CDC42EP1: variants seen among roughly 807,000 people sequenced by gnomAD.
CDC42EP1 encodes 55 kDa bone marrow stromal/endothelial cell protein.
Under a neutral mutation model 7.4 loss-of-function variants are expected in CDC42EP1, and 6 were observed. That is an observed-to-expected ratio of 0.81 (90% CI 0.44 to 1.60). CDC42EP1 has a LOEUF of 1.60. CDC42EP1 is among the 40% of genes most tolerant of loss of function. CDC42EP1 has a pLI of 0.01. For missense variants in CDC42EP1, 567 were observed against 539.0 expected, an observed-to-expected ratio of 1.05 and a Z score of -0.51; for synonymous variants, 238 against 227.1, an observed-to-expected ratio of 1.05 and a Z score of -0.43.
rs1925236389 is a variant in CDC42EP1, at chr22:37,566,361, C to T, written c.12C>T (p.Pro4=). 6.5e-7 allele frequency: 1 copy of T among 1,528,542 alleles called. No individual in the cohort carries two copies. The highest frequency in any genetic ancestry group is 8.8e-7 in the Non-Finnish European group (1 of 1,134,748). 94.7% of individuals were successfully genotyped at this position (1,528,542 alleles called of 1,614,324 possible). A position where few individuals can be genotyped will look rare whatever the true frequency, so the allele number is the denominator to read the frequency against. MPG[P]QGGRGAATMS... The stretch of plus-strand genomic sequence containing the variant: ...AGCAGCCAGAGCTGATGCCCGGCCC[C>T]CAGGGGGGCAGAGGCGCCGCCACCA... The change falls in exon 2 of 3, where the codon CCC becomes CCT. Residue 4 remains proline, a synonymous_variant. Coordinates refer to ENST00000249014, the MANE Select transcript of CDC42EP1 (RefSeq NM_152243.3). The surrounding 1 kb of genome is among the most constrained non-coding windows in gnomAD (Gnocchi z 6.4).
At chr22:37,560,825 G>C (rs1925007864) in intron 1 of CDC42EP1, among the ~76,000 whole-genome samples, 1 of 152,018 alleles carries the variant, frequency 6.6e-6, no homozygotes, top group South Asian at 2.1e-4. Flanking sequence ...GGGGGCAGAG[G>C]ATCGGACACG....
At position 37,566,812 on chromosome 22, in the gene CDC42EP1, G is replaced by A. The variant is rs1342054467; in HGVS notation, c.463G>A (p.Gly155Ser). The change falls in exon 2 of 3, where the codon GGC (glycine) becomes AGC (serine). Residue 155 changes from glycine (G) to serine (S), a missense_variant and splice_region_variant. Transcript: ENST00000249014. The surrounding 1 kb of genome is among the most constrained non-coding windows in gnomAD (Gnocchi z 6.4). The part of the protein sequence containing the change: ...TSSTDGHSSY[G>S]LDSGFCTISR... ...CTCCACGGACGGCCACTCCAGCTAC[G>A]GTGAGGGCCTGGGCCATCTTGGCCC... The A allele has an allele frequency of 2.6e-6, 4 of 1,553,474 alleles. No homozygotes were observed. Among genetic ancestry groups the A allele is most frequent in the South Asian group, 1.2e-5 (1 of 81,002 alleles).
In CDC42EP1 at chr22:37,568,361, G is replaced by T. The variant is rs746292047; in HGVS notation, c.717G>T (p.Thr239=). Residue 239 remains threonine, a synonymous_variant, in exon 3 of 3, where the codon ACG becomes ACT. Coordinates refer to ENST00000249014, the MANE Select transcript of CDC42EP1 (RefSeq NM_152243.3). ...CCCCAGCCCCTACTGCAAACCCCAC[G>T]GGTCCTGCTGCAAACCCCCCAGCCA... ...ANPPAPTANP[T]GPAANPPATT... The T allele has an allele frequency of 1.4e-6, 2 of 1,471,874 alleles. No homozygotes were observed. The highest frequency in any genetic ancestry group is 2.4e-5 in the East Asian group (1 of 40,858). 91.2% of individuals were successfully genotyped at this position (1,471,874 alleles called of 1,614,324 possible).
At chr22:37,565,585 T>G (rs1040433383) in intron 1 of CDC42EP1, 4 of 140,778 alleles carry the variant, frequency 2.8e-5, no homozygotes, top group South Asian at 4.7e-4. Flanking sequence ...TTTTTTTTTT[T>G]TTTTTTTTTT....
intron 1 of CDC42EP1, among the ~76,000 whole-genome samples, chr22:37,564,980 A>G (rs565523126): frequency 9.2e-5 from 14 of 152,154 alleles, no homozygotes; most frequent in African/African-American, 3.1e-4. Flanking sequence ...GGGTTTCACC[A>G]TGTTGGCCAG....
At chr22:37,563,856 G>A (rs1045473267) in intron 1 of CDC42EP1, 1 of 152,316 alleles carries the variant, frequency 6.6e-6, no homozygotes, top group Non-Finnish European at 1.5e-5. Context: ...GAAGGGGCCA[G>A]GGTGATGTTT....
At chr22:37,567,661 A>T (rs1466579546) in intron 2 of CDC42EP1, among the ~76,000 whole-genome samples, 1 of 152,168 alleles carries the variant, frequency 6.6e-6, no homozygotes, top group Non-Finnish European at 1.5e-5. Context: ...TCAGACCCTG[A>T]TTGCTGGTCC....
rs1174820845 is a variant in CDC42EP1 at position 37,569,179 on chromosome 22, G to C, written c.*359G>C. ...TGGGGGGCAGGGAGTGTACCACACAGGGCCATTGTCTCACCTCCCAAAGGG... is the reference window on the plus strand; with the variant it reads ...TGGGGGGCAGGGAGTGTACCACACACGGCCATTGTCTCACCTCCCAAAGGG... On this transcript the variant is annotated 3_prime_UTR_variant, in exon 3 of 3. Transcript: ENST00000249014. 5.5e-6 allele frequency: 1 copy of C among 181,284 alleles called. No individual in the cohort carries two copies. 11.2% of individuals were successfully genotyped at this position (181,284 alleles called of 1,614,324 possible).
chr22:37,563,782 GGTAA>G (rs1417463639), intron 1 of CDC42EP1: 1 of 152,178 alleles, frequency 6.6e-6, no homozygotes, highest in East Asian at 1.9e-4. Flanking sequence ...GGTCTGTGTA[GGTAA>G]GTGACTTGCC....
intron 1 of CDC42EP1, among the ~76,000 whole-genome samples, chr22:37,563,027 T>C (rs1217750857): frequency 6.6e-6 from 1 of 151,984 alleles, no homozygotes; most frequent in Non-Finnish European, 1.5e-5. Flanking sequence ...GAGGATCGCT[T>C]GAGCCTGGGA....
chr22:37,561,000 G>A (rs1051896631), intron 1 of CDC42EP1, among the ~76,000 whole-genome samples: 4 of 151,754 alleles, frequency 2.6e-5, no homozygotes, highest in Non-Finnish European at 2.9e-5. Flanking sequence ...GAAGTGGGGG[G>A]TGGGGGGCCC....
intron 1 of CDC42EP1, among the ~76,000 whole-genome samples, chr22:37,562,765 G>A (rs1925092001): frequency 7.2e-6 from 1 of 138,676 alleles, no homozygotes; most frequent in South Asian, 2.3e-4. Flanking sequence ...TGACCATGGG[G>A]GTTCAGGGGG....
intron 1 of CDC42EP1, among the ~76,000 whole-genome samples, chr22:37,563,140 G>A (rs962539747): frequency 1.6e-4 from 25 of 152,032 alleles, no homozygotes; most frequent in Non-Finnish European, 7.4e-5. Context: ...AGGGAGCTGG[G>A]GTGGGAGCAA....
chr22:37,568,781 A>G lies in CDC42EP1; in HGVS notation c.1137A>G (p.Glu379=). 1 of 1,497,186 alleles carries G rather than the reference A, an allele frequency of 6.7e-7. No homozygotes were observed. The highest frequency in any genetic ancestry group is 8.9e-7 in the Non-Finnish European group (1 of 1,122,096). 92.7% of individuals were successfully genotyped at this position (1,497,186 alleles called of 1,614,324 possible). A position where few individuals can be genotyped will look rare whatever the true frequency, so the allele number is the denominator to read the frequency against. ...GCACAGTGCAAGCAAACACCTTTGA[A>G]TTTGCGGATGCTGAGGAGGATGATG... ...VPSTVQANTF[E]FADAEEDDEV... is the part of the protein sequence containing the mutation. Residue 379 remains glutamate, a synonymous_variant, in exon 3 of 3, where the codon GAA becomes GAG. Transcript: ENST00000249014.
In CDC42EP1 at chr22:37,568,374, A is replaced by C; in HGVS notation, c.730A>C (p.Asn244His). 7.0e-7 allele frequency: 1 copy of C among 1,424,720 alleles called. No homozygotes were observed. Among genetic ancestry groups the C allele is most frequent in the South Asian group, 1.2e-5 (1 of 82,992 alleles). The allele number at this position is 1,424,720 out of a possible 1,614,324, so 88.3% of individuals were successfully genotyped here. The change falls in exon 3 of 3, where the codon AAC becomes CAC. Residue 244 changes from asparagine to histidine, a missense_variant. Asn to His is a moderately conservative substitution (Grantham distance 68). Coordinates refer to ENST00000249014, the MANE Select transcript of CDC42EP1 (RefSeq NM_152243.3). ...TGCAAACCCCACGGGTCCTGCTGCA[A>C]ACCCCCCAGCCACTACTGCAAACCC... Reference protein sequence around the residue: ...PTANPTGPAANPPATTANPPA... With the variant: ...PTANPTGPAAHPPATTANPPA...
chr22:37,569,313 G>A lies in CDC42EP1; in HGVS notation c.*493G>A, dbSNP rs1925404083. ...CCCAGCCTCCCTCTTACCCCAGAAA[G>A]GTCAGGTATGACCTCCCGGGGAGGA... On this transcript the variant is annotated 3_prime_UTR_variant, in exon 3 of 3. Coordinates refer to ENST00000249014, the MANE Select transcript of CDC42EP1 (RefSeq NM_152243.3). 6.5e-6 allele frequency: 1 copy of A among 153,342 alleles called. No individual in the cohort carries two copies. Among genetic ancestry groups the A allele is most frequent in the South Asian group, 2.1e-4 (1 of 4,844 alleles). 9.5% of individuals were successfully genotyped at this position (153,342 alleles called of 1,614,324 possible).
Position 37,566,163 on chromosome 22 carries a change from C to A in CDC42EP1, c.-187C>A. ...ATAGCTGCTTCTGAGGGGCTGGGAG[C>A]CGGGCCCCTGGGAGAGACGAGCCAT... is the stretch of plus-strand genomic sequence containing the variant. On this transcript the variant is annotated 5_prime_UTR_variant, in exon 2 of 3. Coordinates refer to ENST00000249014, the MANE Select transcript of CDC42EP1 (RefSeq NM_152243.3). The surrounding 1 kb of genome is among the most constrained non-coding windows in gnomAD (Gnocchi z 6.4). 1 of 453,192 alleles carries A rather than the reference C, an allele frequency of 2.2e-6. No individual in the cohort carries two copies. The highest frequency in any genetic ancestry group is 3.5e-5 in the East Asian group (1 of 28,690). The allele number at this position is 453,192 out of a possible 1,614,324, so 28.1% of individuals were successfully genotyped here. A position where few individuals can be genotyped will look rare whatever the true frequency, so the allele number is the denominator to read the frequency against.
At position 37,568,202 on chromosome 22, in the gene CDC42EP1, G is replaced by T; in HGVS notation, c.558G>T (p.Gly186=). ...ATGGTTCCTTCCCCTCTGAGCCCGGGCTTCGCCGCTCTGACTCTCTCTTGT... is the reference window on the plus strand; with the variant it reads ...ATGGTTCCTTCCCCTCTGAGCCCGGTCTTCGCCGCTCTGACTCTCTCTTGT... ...DRDGSFPSEP[G]LRRSDSLLSF... Residue 186 remains glycine (G), a synonymous_variant, in exon 3 of 3, where the codon GGG becomes GGT. Transcript: ENST00000249014. 6.2e-7 allele frequency: 1 copy of T among 1,613,964 alleles called. No individual in the cohort carries two copies. The highest frequency in any genetic ancestry group is 1.1e-5 in the South Asian group (1 of 91,080).
Position 37,568,800 on chromosome 22 carries a change from GATGAT to G in CDC42EP1, c.1157_1161del (p.Asp386GlyfsTer149). ...CTTTGAATTTGCGGATGCTGAGGAG[GATGAT>G]GAGGTCAAGGTGTGAGGGGCTGGGG... On this transcript the variant is annotated frameshift_variant, in exon 3 of 3. Transcript: ENST00000249014. LOFTEE classifies it high-confidence loss of function. 4.0e-6 allele frequency: 6 copies of G among 1,495,978 alleles called. No individual in the cohort carries two copies. Among genetic ancestry groups the G allele is most frequent in the Non-Finnish European group, 5.3e-6 (6 of 1,121,952 alleles). 92.7% of individuals were successfully genotyped at this position (1,495,978 alleles called of 1,614,324 possible). A position where few individuals can be genotyped will look rare whatever the true frequency, so the allele number is the denominator to read the frequency against.
Sources: allele counts gnomAD v4.1 joint callset (sites outside exome capture counted in the v4.1 genomes callset), GRCh38; gene constraint gnomAD v4.1.1; non-coding constraint Gnocchi (gnomAD v3.1); transcripts MANE v1.5; gene names NCBI Gene and HGNC (gene_info 2026-07-23, HGNC 2026-07-21).